The following FGF10 variants were observed in gnomAD, a reference collection of about 807,000 sequenced individuals.
The protein encoded by FGF10 is FGF-10.
FGF10 carries 2 observed loss-of-function variants against 19.8 expected under a neutral mutation model. The observed-to-expected ratio is 0.10, with a 90% CI of 0.04 to 0.32. The LOEUF (loss-of-function observed/expected upper bound fraction) is 0.32, where lower values mean the gene tolerates loss of function less well. Among genes scored for constraint, FGF10 ranks in the 10% least tolerant of loss-of-function variants. FGF10 has a pLI of 1.00. For missense variants in FGF10, 191 were observed against 246.3 expected (o/e 0.78, Z 1.50); for synonymous variants, 112 against 94.0 (o/e 1.19, Z -1.10).
chr5:44,349,819 C>T (rs1470183265), intron 1 of FGF10, among the ~76,000 whole-genome samples: 2 of 151,020 alleles, frequency 1.3e-5, no homozygotes, highest in East Asian at 3.9e-4. Flanking sequence ...CTTTGGATTC[C>T]TACAGACCTG....
intron 1 of FGF10, among the ~76,000 whole-genome samples, chr5:44,386,441 TTGTTGTTAATTCCCAGCTCACTC>T: frequency 6.6e-6 from 1 of 152,186 alleles, no homozygotes; most frequent in South Asian, 2.1e-4. Flanking sequence ...TTTTTTGTTG[TTGTTGTTAATTCCCAGCTCACTC>T]TGTCCAGCCC....
chr5:44,323,306 G>A (rs1740539797), intron 1 of FGF10, among the ~76,000 whole-genome samples: 1 of 152,156 alleles, frequency 6.6e-6, no homozygotes, highest in South Asian at 2.1e-4. Flanking sequence ...GTATTTTGTA[G>A]GAAATGTTAG....
chr5:44,309,548 CT>C lies in FGF10; in HGVS notation c.429+878del, dbSNP rs556651640. 1.4e-3 allele frequency among the ~76,000 whole-genome samples: 212 copies of C among 152,212 alleles called. 1 individual carries two copies. Among genetic ancestry groups the C allele is most frequent in the Non-Finnish European group, 2.1e-3 (144 of 67,994 alleles). ...TCAAGGCCCATTTCTATACTTCTTT[CT>C]TATGCATCTTTGATATGTCAAACAA... On this transcript the variant is annotated intron_variant, in intron 2 of 2. Coordinates refer to ENST00000264664, the MANE Select transcript of FGF10 (RefSeq NM_004465.2).
intron 1 of FGF10, among the ~76,000 whole-genome samples, chr5:44,321,771 CT>C (rs139603040): frequency 1.3e-5 from 2 of 152,114 alleles, no homozygotes; most frequent in African/African-American, 2.4e-5. Flanking sequence ...CACATCTTCT[CT>C]TTTTTTTGAG....
At chr5:44,324,886 T>C (rs1740574896) in intron 1 of FGF10, among the ~76,000 whole-genome samples, 1 of 152,224 alleles carries the variant, frequency 6.6e-6, no homozygotes, top group African/African-American at 2.4e-5. Flanking sequence ...TACTATTCAA[T>C]TTCTTTTGCA....
chr5:44,339,846 T>G (rs900983867), intron 1 of FGF10, among the ~76,000 whole-genome samples: 2 of 152,168 alleles, frequency 1.3e-5, no homozygotes, highest in Non-Finnish European at 2.9e-5. Flanking sequence ...TTCATGTTCC[T>G]ATCAATGTCC....
intron 1 of FGF10, among the ~76,000 whole-genome samples, chr5:44,342,904 C>T (rs987420348): frequency 6.6e-6 from 1 of 151,838 alleles, no homozygotes; most frequent in Non-Finnish European, 1.5e-5. Context: ...AGCATTAATC[C>T]TCTTCCCCAA....
chr5:44,327,202 T>C (rs1291286224), intron 1 of FGF10, among the ~76,000 whole-genome samples: 1 of 152,222 alleles, frequency 6.6e-6, no homozygotes, highest in Non-Finnish European at 1.5e-5. Context: ...CTGCTAAATG[T>C]ATCCCTGTGA....
chr5:44,376,518 C>G (rs200100409), intron 1 of FGF10, among the ~76,000 whole-genome samples: 1 of 72,744 alleles, frequency 1.4e-5, no homozygotes, highest in Non-Finnish European at 2.7e-5. Flanking sequence ...AAAAAAAAAA[C>G]AAAAAACCCA....
chr5:44,388,466 G>A lies in FGF10; in HGVS notation c.217C>T (p.Leu73Phe). 3 of 1,614,112 alleles carry A rather than the reference G, an allele frequency of 1.9e-6. No homozygotes were observed. Among genetic ancestry groups the A allele is most frequent in the Non-Finnish European group, 1.7e-6 (2 of 1,180,032 alleles). Residue 73 changes from leucine (L) to phenylalanine (F), a missense_variant, in exon 1 of 3, where the codon CTT becomes TTT. Leu to Phe is a conservative substitution (Grantham distance 22). Transcript: ENST00000264664. ...AGRHVRSYNH[L>F]QGDVRWRKLF... ...TTTCTCCAGCGGACATCTCCTTGAA[G>A]GTGATTGTAGCTCCGCACATGCCTT... is the stretch of plus-strand genomic sequence containing the variant.
intron 1 of FGF10, among the ~76,000 whole-genome samples, chr5:44,347,491 G>T (rs1054370617): frequency 1.3e-5 from 2 of 151,704 alleles, no homozygotes; most frequent in African/African-American, 4.8e-5. Context: ...AGTATGAATA[G>T]AACTTCTTTT....
chr5:44,314,747 G>C (rs948721483), intron 1 of FGF10, among the ~76,000 whole-genome samples: 3 of 152,122 alleles, frequency 2.0e-5, no homozygotes, highest in Admixed American at 6.6e-5. Context: ...TTCTTCTCCA[G>C]AAGAGGAGCA....
intron 1 of FGF10, among the ~76,000 whole-genome samples, chr5:44,372,388 T>C (rs1357203480): frequency 6.6e-6 from 1 of 152,176 alleles, no homozygotes; most frequent in African/African-American, 2.4e-5. Context: ...TCATGGTATA[T>C]GAGGCCCACT....
Position 44,388,948 on chromosome 5 carries a change from A to G in FGF10, c.-266T>C, listed in dbSNP as rs1742176422. ...GGACGTGGGTGGCCGCAGCAGCAGG[A>G]GCTGGTGGTGGCGTTGGTGGTGTTG... is the stretch of plus-strand genomic sequence containing the variant. On this transcript the variant is annotated 5_prime_UTR_variant, in exon 1 of 3. Coordinates refer to ENST00000264664, the MANE Select transcript of FGF10 (RefSeq NM_004465.2). The G allele has an allele frequency of 1.2e-5, 7 of 567,318 alleles. No individual in the cohort carries two copies. In the South Asian group the frequency reaches 1.4e-4, roughly 11 times the overall value. The allele number at this position is 567,318 out of a possible 1,614,324, so 35.1% of individuals were successfully genotyped here.
chr5:44,365,919 T>C (rs1259356980), intron 1 of FGF10, among the ~76,000 whole-genome samples: 3 of 151,820 alleles, frequency 2.0e-5, no homozygotes, highest in Non-Finnish European at 4.4e-5. Flanking sequence ...AAAAATAATA[T>C]AGTTGGGGCA....
intron 1 of FGF10, among the ~76,000 whole-genome samples, chr5:44,382,224 T>A (rs1199764215): frequency 6.6e-6 from 1 of 152,158 alleles, no homozygotes; most frequent in East Asian, 1.9e-4. Flanking sequence ...TCTGAGTGTC[T>A]TCTTTGATGT....
intron 1 of FGF10, among the ~76,000 whole-genome samples, chr5:44,363,032 T>C (rs915032661): frequency 7.9e-5 from 12 of 151,798 alleles, no homozygotes; most frequent in African/African-American, 2.9e-4. Context: ...GAATAATGAA[T>C]GTACTTCTAA....
chr5:44,387,946 T>G (rs779778684), intron 1 of FGF10, among the ~76,000 whole-genome samples: 20 of 152,224 alleles, frequency 1.3e-4, no homozygotes, highest in Non-Finnish European at 2.8e-4. Context: ...TTAACAAGAT[T>G]GCCAGGGAAA....
At position 44,318,123 on chromosome 5, in the gene FGF10, C is replaced by A. The variant is rs141292752; in HGVS notation, c.326-7593G>T. On this transcript the variant is annotated intron_variant, in intron 1 of 2. Transcript: ENST00000264664. ...ACTGGAAACACTTACATGTTTGAGT[C>A]ATTTGCTGTGACCCAAGATAACTGA... is the stretch of plus-strand genomic sequence containing the variant. Among the ~76,000 whole-genome samples, 221 of 152,204 alleles carry A rather than the reference C, an allele frequency of 1.5e-3. 1 individual carries two copies. The highest frequency in any genetic ancestry group is 5.1e-3 in the African/African-American group (212 of 41,560).
Sources: gnomAD v4.1 joint callset for allele counts (sites outside exome capture counted in the v4.1 genomes callset) on GRCh38, gnomAD v4.1.1 for gene constraint, MANE v1.5 for transcripts, NCBI Gene and HGNC (gene_info 2026-07-23, HGNC 2026-07-21) for gene names.